PABPC4L: variants seen among roughly 807,000 people sequenced by gnomAD.
PABPC4L encodes the protein polyadenylate-binding protein 4-like.
For synonymous variants in PABPC4L, 169 were observed against 164.1 expected, an observed-to-expected ratio of 1.03 and a Z score of -0.23; for missense variants, 452 against 451.4, an observed-to-expected ratio of 1.00 and a Z score of -0.01.
chr4:134,174,639 T>C, the PABPC4L span, among the ~76,000 whole-genome samples: 1 of 152,128 alleles, frequency 6.6e-6, no homozygotes, highest in Non-Finnish European at 1.5e-5. Flanking sequence ...TGTATTTATG[T>C]TTGTATTTGT....
chr4:134,003,425 G>A, the PABPC4L span, among the ~76,000 whole-genome samples: 1 of 151,658 alleles, frequency 6.6e-6, no homozygotes, highest in Non-Finnish European at 1.5e-5. Context: ...CTGAATATAA[G>A]CTCTCCAAAG....
chr4:134,055,213 T>A, the PABPC4L span, among the ~76,000 whole-genome samples: 1 of 152,036 alleles, frequency 6.6e-6, no homozygotes, highest in Non-Finnish European at 1.5e-5. Context: ...TGACTTTATT[T>A]GTCATGGTTT....
the PABPC4L span, among the ~76,000 whole-genome samples, chr4:133,986,581 T>G: frequency 6.6e-6 from 1 of 152,086 alleles, no homozygotes; most frequent in Non-Finnish European, 1.5e-5. Flanking sequence ...AGTACTGAAA[T>G]TGATTTGCAA....
At chr4:134,156,913 A>C in the PABPC4L span, among the ~76,000 whole-genome samples, 1 of 152,034 alleles carries the variant, frequency 6.6e-6, no homozygotes, top group Admixed American at 6.6e-5. Context: ...GTGCTGAGGT[A>C]CACTCTAATT....
chr4:134,033,970 G>A, the PABPC4L span, among the ~76,000 whole-genome samples: 557 of 152,024 alleles, frequency 3.7e-3, 2 homozygotes, highest in African/African-American at 0.013. Context: ...TATAACACTC[G>A]TATATTGAAA....
chr4:133,982,669 C>G, the PABPC4L span, among the ~76,000 whole-genome samples: 6 of 152,082 alleles, frequency 3.9e-5, no homozygotes. Context: ...CTCCCATCCT[C>G]TCTTCTTTAT....
chr4:133,999,682 G>A, the PABPC4L span, among the ~76,000 whole-genome samples: 1 of 151,794 alleles, frequency 6.6e-6, no homozygotes, highest in South Asian at 2.1e-4. Flanking sequence ...GAATACAAGG[G>A]GAAAAAAGTT....
chr4:133,987,253 G>A, the PABPC4L span, among the ~76,000 whole-genome samples: 3 of 152,118 alleles, frequency 2.0e-5, no homozygotes, highest in Non-Finnish European at 4.4e-5. Context: ...TCTAAGGTAT[G>A]TTATATAAAT....
the PABPC4L span, among the ~76,000 whole-genome samples, chr4:133,974,162 TATAG>T: frequency 6.6e-6 from 1 of 151,788 alleles, no homozygotes; most frequent in South Asian, 2.1e-4. Flanking sequence ...AGGATAAAAA[TATAG>T]ATAATTGGGA....
At chr4:134,039,068 A>C in the PABPC4L span, among the ~76,000 whole-genome samples, 1 of 152,012 alleles carries the variant, frequency 6.6e-6, no homozygotes, top group South Asian at 2.1e-4. Context: ...TTCTGCCTTC[A>C]TTTCATTATT....
At chr4:134,147,770 T>TTGC in the PABPC4L span, among the ~76,000 whole-genome samples, 11 of 150,926 alleles carry the variant, frequency 7.3e-5, no homozygotes. Flanking sequence ...GTTGTTGTTG[T>TTGC]TTTTTCCTAG....
At chr4:134,158,486 A>G in the PABPC4L span, among the ~76,000 whole-genome samples, 3 of 152,090 alleles carry the variant, frequency 2.0e-5, no homozygotes, top group African/African-American at 7.2e-5. Flanking sequence ...AGGTAAATTT[A>G]GACAGACATA....
At chr4:133,949,710 T>C in the PABPC4L span, among the ~76,000 whole-genome samples, 2 of 152,196 alleles carry the variant, frequency 1.3e-5, no homozygotes, top group Non-Finnish European at 2.9e-5. Context: ...GAGCTTGTTT[T>C]CCTTCCAAGT....
chr4:133,975,650 G>C, the PABPC4L span, among the ~76,000 whole-genome samples: 1 of 152,104 alleles, frequency 6.6e-6, no homozygotes, highest in African/African-American at 2.4e-5. Flanking sequence ...AGAGACTAAA[G>C]AGTCATTTTC....
the PABPC4L span, among the ~76,000 whole-genome samples, chr4:134,052,970 G>A: frequency 1.3e-5 from 2 of 152,020 alleles, no homozygotes; most frequent in South Asian, 4.1e-4. Flanking sequence ...TTCTTTGGAA[G>A]CATGACTGTG....
At chr4:134,034,012 G>A in the PABPC4L span, among the ~76,000 whole-genome samples, 1 of 151,944 alleles carries the variant, frequency 6.6e-6, no homozygotes, top group African/African-American at 2.4e-5. Flanking sequence ...CATAGCGGGA[G>A]AGGAGAAGTC....
chr4:134,152,977 C>T, the PABPC4L span, among the ~76,000 whole-genome samples: 1 of 152,032 alleles, frequency 6.6e-6, no homozygotes, highest in Non-Finnish European at 1.5e-5. Flanking sequence ...TAACAACAAG[C>T]TCTGGAAGGA....
At chr4:134,127,788 C>G in the PABPC4L span, among the ~76,000 whole-genome samples, 3 of 151,986 alleles carry the variant, frequency 2.0e-5, no homozygotes, top group Non-Finnish European at 4.4e-5. Flanking sequence ...AGCTATTGAT[C>G]CAAACCAAGA....
At chr4:134,009,568 C>T in the PABPC4L span, among the ~76,000 whole-genome samples, 1 of 151,942 alleles carries the variant, frequency 6.6e-6, no homozygotes. Context: ...CAATTTCTAG[C>T]CTTTCACTTT....
Sources: allele counts gnomAD v4.1 joint callset (sites outside exome capture counted in the v4.1 genomes callset), GRCh38; gene constraint gnomAD v4.1.1; transcripts MANE v1.5; gene names NCBI Gene and HGNC (gene_info 2026-07-23, HGNC 2026-07-21).